The following XPR1 variants were observed in gnomAD, a reference collection of about 807,000 sequenced individuals.
XPR1 encodes the protein solute carrier family 53 member 1.
In XPR1, 28 loss-of-function variants were observed where a neutral mutation model predicts 87.5. That is an observed-to-expected ratio of 0.32 (90% CI 0.24 to 0.44). XPR1 has a LOEUF of 0.44. XPR1 is among the 20% of genes least tolerant of loss of function. The pLI, the probability that XPR1 is intolerant of heterozygous loss-of-function variation, is 1.00. For missense variants in XPR1, 559 were observed against 862.3 expected, an observed-to-expected ratio of 0.65 and a Z score of 4.41; for synonymous variants, 300 against 306.1, an observed-to-expected ratio of 0.98 and a Z score of 0.21.
At chr1:180,793,983 A>C (rs767605129) in intron 3 of XPR1, among the ~76,000 whole-genome samples, 1 of 152,186 alleles carries the variant, frequency 6.6e-6, no homozygotes, top group Non-Finnish European at 1.5e-5. Context: ...TTCACAAACA[A>C]ACACAATATC....
At position 180,886,288 on chromosome 1, in the gene XPR1, A is replaced by G. The variant is rs1653008371; in HGVS notation, c.*2222A>G. Reference sequence around the variant, plus strand: ...AGTAATTATTACTGAGTTAAATTGAAAAGTCCAGTGGACCAGGCATTTCTT... The same window carrying G: ...AGTAATTATTACTGAGTTAAATTGAGAAGTCCAGTGGACCAGGCATTTCTT... On this transcript the variant is annotated 3_prime_UTR_variant, in exon 15 of 15. Coordinates refer to ENST00000367590, the MANE Select transcript of XPR1 (RefSeq NM_004736.4). 6.6e-6 allele frequency: 1 copy of G among 152,252 alleles called. No individual in the cohort carries two copies. Among genetic ancestry groups the G allele is most frequent in the Non-Finnish European group, 1.5e-5 (1 of 68,038 alleles). 9.4% of individuals were successfully genotyped at this position (152,252 alleles called of 1,614,324 possible). A position where few individuals can be genotyped will look rare whatever the true frequency, so the allele number is the denominator to read the frequency against.
At position 180,636,084 on chromosome 1, in the gene XPR1, A is replaced by G. The variant is rs1176885931; in HGVS notation, c.69+3814A>G. Reference sequence around the variant, plus strand: ...AATTTTTTATTGCAGGATTTTGGAAAGGAGAGGTTCTGCATGAACTACACT... The same window carrying G: ...AATTTTTTATTGCAGGATTTTGGAAGGGAGAGGTTCTGCATGAACTACACT... On this transcript the variant is annotated intron_variant, in intron 1 of 14. Coordinates refer to ENST00000367590, the MANE Select transcript of XPR1 (RefSeq NM_004736.4). 2.6e-5 allele frequency among the ~76,000 whole-genome samples: 4 copies of G among 152,248 alleles called. No homozygotes were observed. In the East Asian group the frequency reaches 7.7e-4, roughly 29 times the overall value.
rs922022703 is a variant in XPR1, at chr1:180,714,927, T to C, written c.121+32516T>C. Among the ~76,000 whole-genome samples the C allele has an allele frequency of 3.9e-5, 6 of 152,312 alleles. No individual in the cohort carries two copies. The South Asian group carries it at 1.0e-3, about 26-fold the overall frequency. On this transcript the variant is annotated intron_variant, in intron 2 of 14. Coordinates refer to ENST00000367590, the MANE Select transcript of XPR1 (RefSeq NM_004736.4). Reference sequence around the variant, plus strand: ...AATTTAGTTTATTAGCTGGAAAGAATAGCTGATATTCTGGAATGTTAGAAT... The same window carrying C: ...AATTTAGTTTATTAGCTGGAAAGAACAGCTGATATTCTGGAATGTTAGAAT...
At chr1:180,757,547 T>G (rs1195382153) in intron 2 of XPR1, among the ~76,000 whole-genome samples, 2 of 151,438 alleles carry the variant, frequency 1.3e-5, no homozygotes, top group Non-Finnish European at 2.9e-5. Flanking sequence ...TCTTGCTCTT[T>G]GTCCATGCTG....
intron 11 of XPR1, among the ~76,000 whole-genome samples, chr1:180,860,110 A>T (rs1048611319): frequency 2.0e-5 from 3 of 152,134 alleles, no homozygotes; most frequent in African/African-American, 7.2e-5. Context: ...ACATAAAAAG[A>T]TGCCTGACAT....
At chr1:180,878,756 C>T (rs1316590194) in intron 13 of XPR1, among the ~76,000 whole-genome samples, 1 of 152,138 alleles carries the variant, frequency 6.6e-6, no homozygotes, top group African/African-American at 2.4e-5. Context: ...ACTTTACTTC[C>T]CAGCAAAGCA....
At chr1:180,710,313 A>G (rs1209607055) in intron 2 of XPR1, among the ~76,000 whole-genome samples, 2 of 151,676 alleles carry the variant, frequency 1.3e-5, no homozygotes, top group East Asian at 1.9e-4. Flanking sequence ...CAAGTGAACA[A>G]AGGTCTCTGG....
chr1:180,764,012 C>G (rs1455992544), intron 2 of XPR1, among the ~76,000 whole-genome samples: 1 of 152,170 alleles, frequency 6.6e-6, no homozygotes, highest in Non-Finnish European at 1.5e-5. Context: ...TTATTTTTCA[C>G]TTTGTTAATG....
intron 11 of XPR1, among the ~76,000 whole-genome samples, chr1:180,852,608 G>A (rs1258377192): frequency 1.3e-5 from 2 of 152,186 alleles, no homozygotes; most frequent in Non-Finnish European, 2.9e-5. Context: ...GAGTGCAATG[G>A]TGTAATCTCA....
At chr1:180,769,725 G>A (rs779992366) in intron 2 of XPR1, among the ~76,000 whole-genome samples, 20 of 152,110 alleles carry the variant, frequency 1.3e-4, no homozygotes, top group African/African-American at 4.6e-4. Flanking sequence ...TATTGTGAAC[G>A]GCTGCAACAA....
chr1:180,752,285 A>G (rs958649948), intron 2 of XPR1, among the ~76,000 whole-genome samples: 1 of 152,124 alleles, frequency 6.6e-6, no homozygotes. Flanking sequence ...TTTAAAAAGG[A>G]TTATTTATTC....
chr1:180,878,680 G>A (rs1652740258), intron 13 of XPR1, among the ~76,000 whole-genome samples: 1 of 152,216 alleles, frequency 6.6e-6, no homozygotes, highest in Non-Finnish European at 1.5e-5. Flanking sequence ...CCCAGAGCCT[G>A]TGCTTTTAGA....
At chr1:180,656,387 G>GTATTTATATATAAA (rs1369151934) in intron 1 of XPR1, among the ~76,000 whole-genome samples, 38 of 54,196 alleles carry the variant, frequency 7.0e-4, no homozygotes, top group Non-Finnish European at 1.2e-3. Flanking sequence ...TAATATTCAT[G>GTATTTATATATAAA]TATTTATATA....
At chr1:180,809,177 T>C (rs1025275740) in intron 6 of XPR1, among the ~76,000 whole-genome samples, 2 of 152,048 alleles carry the variant, frequency 1.3e-5, no homozygotes, top group Non-Finnish European at 2.9e-5. Flanking sequence ...CTATATGATA[T>C]CATTAACCTA....
At chr1:180,786,533 G>A (rs1649147109) in intron 2 of XPR1, among the ~76,000 whole-genome samples, 1 of 152,038 alleles carries the variant, frequency 6.6e-6, no homozygotes, top group Non-Finnish European at 1.5e-5. Context: ...ATCTCACTTG[G>A]CCGAGAAACA....
intron 9 of XPR1, among the ~76,000 whole-genome samples, chr1:180,834,410 A>G (rs960798340): frequency 6.6e-6 from 1 of 152,236 alleles, no homozygotes; most frequent in Non-Finnish European, 1.5e-5. Context: ...AACTTTAGTT[A>G]ATGGCTGACA....
intron 11 of XPR1, among the ~76,000 whole-genome samples, chr1:180,862,954 C>T (rs1652269060): frequency 6.6e-6 from 1 of 152,010 alleles, no homozygotes; most frequent in African/African-American, 2.4e-5. Context: ...GTATATGAAG[C>T]AGAAATGATT....
intron 6 of XPR1, among the ~76,000 whole-genome samples, chr1:180,807,239 A>G (rs1482507984): frequency 6.6e-6 from 1 of 152,198 alleles, no homozygotes; most frequent in African/African-American, 2.4e-5. Context: ...AAAGAAATAA[A>G]AGACATTCAG....
At chr1:180,646,327 A>G (rs1009573960) in intron 1 of XPR1, among the ~76,000 whole-genome samples, 2 of 152,060 alleles carry the variant, frequency 1.3e-5, no homozygotes, top group Non-Finnish European at 2.9e-5. Flanking sequence ...ACTAAGAATG[A>G]TGCTCTCAGT....
Sources: gnomAD v4.1 joint callset for allele counts (sites outside exome capture counted in the v4.1 genomes callset) on GRCh38, gnomAD v4.1.1 for gene constraint, MANE v1.5 for transcripts, NCBI Gene and HGNC (gene_info 2026-07-23, HGNC 2026-07-21) for gene names.